Variants in KLHL1 observed in about 807,000 individuals in gnomAD.
KLHL1 encodes kelch-like protein 1.
A neutral mutation model predicts 77.7 loss-of-function variants in KLHL1; 47 were observed. The observed-to-expected ratio is 0.60, with a 90% CI of 0.48 to 0.77. The LOEUF (loss-of-function observed/expected upper bound fraction) is 0.77. Among genes scored for constraint, KLHL1 ranks in the 30% least tolerant of loss-of-function variants. The probability of loss-of-function intolerance (pLI) is 0.00; values close to 1 mark genes in which losing one functional copy is unlikely to be tolerated. For missense variants in KLHL1, 925 were observed against 910.8 expected (o/e 1.02, Z -0.20); for synonymous variants, 360 against 325.2 (o/e 1.11, Z -1.15).
chr13:69,960,746 T>G (rs940176893), intron 3 of KLHL1, among the ~76,000 whole-genome samples: 2 of 152,004 alleles, frequency 1.3e-5, no homozygotes, highest in African/African-American at 4.8e-5. Context: ...AATGGCAAAA[T>G]TATTTGAATG....
chr13:70,085,517 A>G (rs780430994), intron 1 of KLHL1, among the ~76,000 whole-genome samples: 5 of 152,212 alleles, frequency 3.3e-5, no homozygotes, highest in Non-Finnish European at 5.9e-5. Flanking sequence ...TTTTATATTT[A>G]CATTGCTATT....
At chr13:70,004,518 T>C (rs1158839584) in intron 1 of KLHL1, among the ~76,000 whole-genome samples, 2 of 84,784 alleles carry the variant, frequency 2.4e-5, no homozygotes, top group African/African-American at 6.2e-5. Flanking sequence ...TATCCTGCCA[T>C]CCCCCTGACT....
At chr13:69,938,268 C>T (rs1259085134) in intron 4 of KLHL1, among the ~76,000 whole-genome samples, 3 of 151,904 alleles carry the variant, frequency 2.0e-5, no homozygotes, top group African/African-American at 7.3e-5. Flanking sequence ...AATACCAGAG[C>T]ATCACATTTT....
chr13:69,904,403 A>G (rs1257108809), intron 4 of KLHL1, among the ~76,000 whole-genome samples: 1 of 152,174 alleles, frequency 6.6e-6, no homozygotes, highest in African/African-American at 2.4e-5. Context: ...CAATATCTTT[A>G]TAAATCTCCA....
Position 69,975,810 on chromosome 13 carries a change from CCACA to C in KLHL1, c.498-12_498-9del, listed in dbSNP as rs144583054. 9.7e-5 allele frequency: 147 copies of C among 1,509,356 alleles called. No homozygotes were observed. The highest frequency in any genetic ancestry group is 2.6e-4 in the South Asian group (22 of 84,096). 93.5% of individuals were successfully genotyped at this position (1,509,356 alleles called of 1,614,324 possible). ...TGGCCGGTTGATGACAGCCTATAAA[CCACA>C]CACACACACACACACACACAAAATA... On this transcript the variant is annotated splice_polypyrimidine_tract_variant and intron_variant, in intron 1 of 10. Coordinates refer to ENST00000377844, the MANE Select transcript of KLHL1 (RefSeq NM_020866.3).
At chr13:69,745,900 C>T (rs1874193119) in intron 7 of KLHL1, among the ~76,000 whole-genome samples, 1 of 151,630 alleles carries the variant, frequency 6.6e-6, no homozygotes, top group African/African-American at 2.4e-5. Flanking sequence ...GTATTGAATA[C>T]ACAAAATTTT....
At chr13:69,702,914 C>T (rs560051676) in intron 10 of KLHL1, among the ~76,000 whole-genome samples, 1 of 151,820 alleles carries the variant, frequency 6.6e-6, no homozygotes, top group African/African-American at 2.4e-5. Flanking sequence ...ACATCTTGTA[C>T]TGTTATCTCC....
intron 1 of KLHL1, among the ~76,000 whole-genome samples, chr13:69,978,505 G>C (rs1884613701): frequency 9.4e-6 from 1 of 106,436 alleles, no homozygotes; most frequent in Admixed American, 9.9e-5. Context: ...TTTTTTTTTT[G>C]AGACAAAGTC....
intron 6 of KLHL1, among the ~76,000 whole-genome samples, chr13:69,832,877 A>T (rs1236048688): frequency 6.6e-6 from 1 of 152,168 alleles, no homozygotes; most frequent in Non-Finnish European, 1.5e-5. Context: ...TATTCAACAA[A>T]TTTTGTTGGG....
intron 7 of KLHL1, among the ~76,000 whole-genome samples, chr13:69,742,884 AAGGTTG>A (rs1874043770): frequency 6.6e-6 from 1 of 152,276 alleles, no homozygotes; most frequent in Non-Finnish European, 1.5e-5. Flanking sequence ...AGTAAATGTG[AAGGTTG>A]AGGTTATTTC....
In KLHL1 at chr13:69,707,787, G is replaced by T; in HGVS notation, c.2025C>A (p.Pro675=). 1 of 1,611,804 alleles carries T rather than the reference G, an allele frequency of 6.2e-7. No homozygotes were observed. Among genetic ancestry groups the T allele is most frequent in the Non-Finnish European group, 8.5e-7 (1 of 1,178,700 alleles). ...RLLDYVERYD[P]KTDTWTMVAP... is the part of the protein sequence containing the mutation. ...CCACCATGGTCCAAGTGTCTGTTTT[G>T]GGATCATATCTAAAATTCAATGACA... The change falls in exon 10 of 11, where the codon CCC becomes CCA. Residue 675 remains proline (P), a synonymous_variant. Coordinates refer to ENST00000377844, the MANE Select transcript of KLHL1 (RefSeq NM_020866.3).
intron 1 of KLHL1, among the ~76,000 whole-genome samples, chr13:70,016,930 C>G (rs1373556469): frequency 6.6e-6 from 1 of 152,146 alleles, no homozygotes; most frequent in Non-Finnish European, 1.5e-5. Flanking sequence ...GCTGGACTCA[C>G]ACAGACCTGG....
intron 7 of KLHL1, among the ~76,000 whole-genome samples, chr13:69,754,360 CT>C: frequency 6.6e-6 from 1 of 152,122 alleles, no homozygotes; most frequent in Middle Eastern, 3.4e-3. Context: ...TACTTCTTTT[CT>C]CATTTGTTTA....
intron 1 of KLHL1, among the ~76,000 whole-genome samples, chr13:69,985,946 G>A (rs566339775): frequency 2.5e-4 from 37 of 148,814 alleles, no homozygotes; most frequent in African/African-American, 7.1e-4. Context: ...ATTATTTAAA[G>A]TAATATCCTC....
At chr13:69,862,573 A>G (rs1880214006) in intron 5 of KLHL1, among the ~76,000 whole-genome samples, 1 of 152,106 alleles carries the variant, frequency 6.6e-6, no homozygotes, top group Non-Finnish European at 1.5e-5. Context: ...AGAAGGTGAA[A>G]GTTTTATACC....
intron 5 of KLHL1, among the ~76,000 whole-genome samples, chr13:69,851,603 A>G (rs1305876760): frequency 2.6e-5 from 4 of 151,858 alleles, no homozygotes; most frequent in Non-Finnish European, 5.9e-5. Context: ...GCATCAATAC[A>G]ATTAATCTTA....
intron 1 of KLHL1, among the ~76,000 whole-genome samples, chr13:70,025,937 T>C (rs775530983): frequency 2.0e-5 from 3 of 152,014 alleles, no homozygotes; most frequent in East Asian, 1.9e-4. Flanking sequence ...CCCCAAAGCA[T>C]TGACTCAGGT....
chr13:69,998,766 G>A (rs1230896706), intron 1 of KLHL1, among the ~76,000 whole-genome samples: 1 of 152,054 alleles, frequency 6.6e-6, no homozygotes, highest in African/African-American at 2.4e-5. Flanking sequence ...CATCGTCTCA[G>A]AAGGCTGCAA....
intron 3 of KLHL1, among the ~76,000 whole-genome samples, chr13:69,941,945 T>G (rs921625661): frequency 5.3e-5 from 8 of 151,684 alleles, no homozygotes; most frequent in African/African-American, 1.9e-4. Context: ...ATCAAGTACT[T>G]AGATTGAAAC....
Sources: gnomAD v4.1 joint callset for allele counts (sites outside exome capture counted in the v4.1 genomes callset) on GRCh38, gnomAD v4.1.1 for gene constraint, MANE v1.5 for transcripts, NCBI Gene and HGNC (gene_info 2026-07-23, HGNC 2026-07-21) for gene names.